Variants in TACC2 observed in about 807,000 individuals in gnomAD.
TACC2 encodes the protein transforming acidic coiled-coil containing protein 2, also known as transforming acidic coiled-coil-containing protein 2.
TACC2 carries 137 observed loss-of-function variants against 227.3 expected under a neutral mutation model. The observed-to-expected ratio is 0.60, with a 90% CI of 0.52 to 0.69. The LOEUF (loss-of-function observed/expected upper bound fraction) is 0.69. Among genes scored for constraint, TACC2 ranks in the 30% least tolerant of loss-of-function variants. The pLI is 0.00. For missense variants in TACC2, 3,470 were observed against 3,694.4 expected, an observed-to-expected ratio of 0.94 and a Z score of 1.57; for synonymous variants, 1,523 against 1,487.5, an observed-to-expected ratio of 1.02 and a Z score of -0.55.
At chr10:122,226,516 GCT>G in intron 13 of TACC2, 35 bp downstream of exon 13, 1 of 1,474,062 alleles carries the variant, frequency 6.8e-7, no homozygotes, top group Non-Finnish European at 9.4e-7. Flanking sequence ...TACACATCAT[GCT>G]GGATGTTCTA....
At chr10:122,119,279 T>G (rs1289371991) in intron 5 of TACC2, among the ~76,000 whole-genome samples, 1 of 152,222 alleles carries the variant, frequency 6.6e-6, no homozygotes, top group Non-Finnish European at 1.5e-5. Flanking sequence ...AAGAGGTTAA[T>G]GAACTTGCCT....
intron 1 of TACC2, among the ~76,000 whole-genome samples, chr10:122,021,011 T>C (rs531931558): frequency 2.0e-5 from 3 of 152,100 alleles, no homozygotes; most frequent in South Asian, 2.1e-4. Context: ...GTGGGTGGAT[T>C]ACGAGGTCAG....
chr10:122,228,325 G>A (rs535904909), intron 14 of TACC2, among the ~76,000 whole-genome samples: 4 of 152,298 alleles, frequency 2.6e-5, no homozygotes, highest in Non-Finnish European at 5.9e-5. Flanking sequence ...GTCCTCTGCC[G>A]CTTCGTCCTT....
chr10:122,102,254 C>T (rs1005843285), intron 5 of TACC2, among the ~76,000 whole-genome samples: 1 of 152,100 alleles, frequency 6.6e-6, no homozygotes, highest in Admixed American at 6.6e-5. Flanking sequence ...AATGGATATG[C>T]GGGTGTAGCC....
chr10:122,105,441 G>C (rs773352477), intron 5 of TACC2, among the ~76,000 whole-genome samples: 1 of 152,084 alleles, frequency 6.6e-6, no homozygotes, highest in African/African-American at 2.4e-5. Flanking sequence ...TGAGCCATTC[G>C]ATGGAATGGA....
intron 17 of TACC2, 85 bp from the exon 18 acceptor site, chr10:122,237,876 C>T: frequency 5.1e-6 from 5 of 972,866 alleles, no homozygotes; most frequent in East Asian, 2.5e-5. Context: ...ATTTATTCAC[C>T]GTCTCCTTTT....
At chr10:122,224,308 G>C (rs1445505458) in intron 11 of TACC2, among the ~76,000 whole-genome samples, 2 of 152,108 alleles carry the variant, frequency 1.3e-5, no homozygotes, top group Non-Finnish European at 2.9e-5. Flanking sequence ...GACAAGTAAG[G>C]GTCCAGTTCC....
In TACC2 at chr10:122,083,581, G is replaced by C; in HGVS notation, c.1081G>C (p.Gly361Arg). ...PSPALVPEAG[G>R]SGKEALDTID... ...TCCTGCCCTGGTGCCAGAGGCTGGG[G>C]GCTCTGGGAAGGAGGCTCTGGACAC... is the stretch of plus-strand genomic sequence containing the variant. The change falls in exon 4 of 23, where the codon GGC becomes CGC. Residue 361 changes from glycine (G) to arginine (R), a missense_variant. Around this residue, in one of 10 missense-constraint regions of TACC2, gnomAD observed 1,924 missense variants for 1,978.3 expected, o/e 0.97. Coordinates refer to ENST00000369005, the MANE Select transcript of TACC2 (RefSeq NM_206862.4). The C allele has an allele frequency of 6.2e-7, 1 of 1,612,800 alleles. No homozygotes were observed. The highest frequency in any genetic ancestry group is 1.7e-5 in the Admixed American group (1 of 60,020).
chr10:122,191,248 T>A (rs991242215), intron 7 of TACC2, among the ~76,000 whole-genome samples: 1 of 152,166 alleles, frequency 6.6e-6, no homozygotes, highest in Non-Finnish European at 1.5e-5. Flanking sequence ...TCCACGTAGC[T>A]GGGATTACAA....
intron 5 of TACC2, among the ~76,000 whole-genome samples, chr10:122,128,391 T>G (rs1417343733): frequency 6.6e-6 from 1 of 152,240 alleles, no homozygotes; most frequent in Non-Finnish European, 1.5e-5. Flanking sequence ...GAAGTGTTTA[T>G]GATTTGAAAA....
In TACC2 at chr10:122,085,775, C is replaced by G. The variant is rs887306452; in HGVS notation, c.3275C>G (p.Pro1092Arg). 1.9e-6 allele frequency: 3 copies of G among 1,613,744 alleles called. No individual in the cohort carries two copies. The highest frequency in any genetic ancestry group is 2.5e-6 in the Non-Finnish European group (3 of 1,179,982). ...CDETQEGRQQ[P>R]VPAPQQKMEC... ...GAAACCCAGGAAGGCAGGCAGCAACCAGTGCCGGCCCCGCAGCAGAAAATG... is the reference window on the plus strand; with the variant it reads ...GAAACCCAGGAAGGCAGGCAGCAACGAGTGCCGGCCCCGCAGCAGAAAATG... Residue 1092 changes from proline (P) to arginine (R), a missense_variant, in exon 4 of 23, where the codon CCA (proline) becomes CGA (arginine). Coordinates refer to ENST00000369005, the MANE Select transcript of TACC2 (RefSeq NM_206862.4).
chr10:122,078,606 G>T (rs1445527242), intron 3 of TACC2, among the ~76,000 whole-genome samples: 1 of 152,214 alleles, frequency 6.6e-6, no homozygotes, highest in Non-Finnish European at 1.5e-5. Context: ...TCCATTCGGG[G>T]TGCTGGCCTG....
intron 6 of TACC2, among the ~76,000 whole-genome samples, chr10:122,137,747 G>C (rs994447098): frequency 4.6e-5 from 7 of 152,184 alleles, no homozygotes; most frequent in Non-Finnish European, 8.8e-5. Context: ...CTGATTGAGG[G>C]GGGTGTTGGG....
chr10:122,043,632 G>A (rs1339433227), intron 2 of TACC2, among the ~76,000 whole-genome samples: 1 of 150,634 alleles, frequency 6.6e-6, no homozygotes, highest in Non-Finnish European at 1.5e-5. Context: ...CCAGACTGAA[G>A]TGCAGTGCAC....
chr10:122,110,735 A>G (rs2083487135), intron 5 of TACC2, among the ~76,000 whole-genome samples: 1 of 152,234 alleles, frequency 6.6e-6, no homozygotes, highest in Non-Finnish European at 1.5e-5. Flanking sequence ...ATTAAGTCAC[A>G]GTAATAACCA....
At chr10:122,138,749 G>A (rs1232539426) in intron 6 of TACC2, among the ~76,000 whole-genome samples, 1 of 152,168 alleles carries the variant, frequency 6.6e-6, no homozygotes, top group Non-Finnish European at 1.5e-5. Flanking sequence ...GGCTGCTGTT[G>A]GGGTTGAACC....
At chr10:122,118,339 C>T (rs984698851) in intron 5 of TACC2, among the ~76,000 whole-genome samples, 1 of 152,074 alleles carries the variant, frequency 6.6e-6, no homozygotes, top group Non-Finnish European at 1.5e-5. Context: ...CTTACCTTGA[C>T]TGAAACTGGT....
chr10:122,241,505 G>C (rs2095992566), intron 18 of TACC2: 1 of 167,628 alleles, frequency 6.0e-6, no homozygotes, highest in African/African-American at 2.4e-5. Flanking sequence ...TGCCCAGGCT[G>C]GTCTCGAACT....
At chr10:122,164,598 A>G (rs1490365863) in intron 7 of TACC2, among the ~76,000 whole-genome samples, 1 of 152,134 alleles carries the variant, frequency 6.6e-6, no homozygotes, top group South Asian at 2.1e-4. Flanking sequence ...TTTTCTCTCA[A>G]CCACAGAGCT....
Sources: allele counts gnomAD v4.1 joint callset (sites outside exome capture counted in the v4.1 genomes callset), GRCh38; gene constraint gnomAD v4.1.1; regional missense constraint gnomAD v4.1.1; transcripts MANE v1.5; gene names NCBI Gene and HGNC (gene_info 2026-07-23, HGNC 2026-07-21).